ATRNL1: variants seen among roughly 807,000 people sequenced by gnomAD.
ATRNL1 encodes the protein attractin like 1.
ATRNL1 carries 95 observed loss-of-function variants against 182.7 expected under a neutral mutation model. The observed-to-expected ratio is 0.52, with a 90% CI of 0.44 to 0.62. The LOEUF is 0.62. Among genes scored for constraint, ATRNL1 ranks in the 20% least tolerant of loss-of-function variants. The pLI, the probability that ATRNL1 is intolerant of heterozygous loss-of-function variation, is 0.00. For missense variants in ATRNL1, 1,471 were observed against 1,679.5 expected (o/e 0.88, Z 2.17); for synonymous variants, 576 against 568.3 (o/e 1.01, Z -0.19).
intron 16 of ATRNL1, among the ~76,000 whole-genome samples, chr10:115,301,257 T>A (rs1296963243): frequency 6.6e-6 from 1 of 152,180 alleles, no homozygotes; most frequent in Non-Finnish European, 1.5e-5. Context: ...GGTATATATA[T>A]ATAGCCAGAA....
At chr10:115,491,593 C>G (rs907160530) in intron 24 of ATRNL1, among the ~76,000 whole-genome samples, 29 of 152,064 alleles carry the variant, frequency 1.9e-4, no homozygotes, top group Non-Finnish European at 2.9e-5. Flanking sequence ...GGACGCCACT[C>G]CCCCCACCAA....
At chr10:115,394,939 G>A (rs1278972689) in intron 20 of ATRNL1, among the ~76,000 whole-genome samples, 187 bp downstream of exon 20, 6 of 151,930 alleles carry the variant, frequency 3.9e-5, no homozygotes, top group Non-Finnish European at 8.8e-5. Flanking sequence ...ATGATGCTGA[G>A]GTTTGGGATA....
intron 26 of ATRNL1, among the ~76,000 whole-genome samples, chr10:115,606,015 A>G (rs556935851): frequency 1.3e-5 from 2 of 152,154 alleles, no homozygotes; most frequent in East Asian, 1.9e-4. Flanking sequence ...AGGGAGAAAA[A>G]GAAGAAAATT....
chr10:115,888,018 G>T (rs1250945014), intron 28 of ATRNL1, among the ~76,000 whole-genome samples: 2 of 152,028 alleles, frequency 1.3e-5, no homozygotes, highest in African/African-American at 4.8e-5. Context: ...TGCTTAAAAC[G>T]TCCAAAGGAC....
chr10:115,293,331 A>C (rs1351034286), intron 15 of ATRNL1, among the ~76,000 whole-genome samples: 3 of 152,110 alleles, frequency 2.0e-5, no homozygotes, highest in African/African-American at 4.8e-5. Flanking sequence ...CTCTTAAGTA[A>C]GGGAATTCAT....
At position 115,350,558 on chromosome 10, in the gene ATRNL1, C is replaced by T. The variant is rs79446253; in HGVS notation, c.3175+16139C>T. ...TTCTTGCCCCAGTGTATGTTCTTGG[C>T]ACCTTCTTTGAAAATGAGTTGTTTA... is the stretch of plus-strand genomic sequence containing the variant. On this transcript the variant is annotated intron_variant, in intron 19 of 28. Transcript: ENST00000355044. Among the ~76,000 whole-genome samples the T allele has an allele frequency of 2.8e-4, 43 of 152,062 alleles. 2 individuals are homozygous for T. In the East Asian group the frequency reaches 7.9e-3, roughly 28 times the overall value.
At chr10:115,374,287 G>GA (rs1237245598) in intron 19 of ATRNL1, among the ~76,000 whole-genome samples, 1 of 151,364 alleles carries the variant, frequency 6.6e-6, no homozygotes, top group Non-Finnish European at 1.5e-5. Flanking sequence ...CTTTTCAAAG[G>GA]AAAAAACTCT....
intron 28 of ATRNL1, among the ~76,000 whole-genome samples, chr10:115,867,730 A>ATTTTTTTTTTTTTTT (rs59623583): frequency 2.9e-5 from 4 of 138,078 alleles, no homozygotes; most frequent in Non-Finnish European, 3.1e-5. Flanking sequence ...CACCCTGTGA[A>ATTTTTTTTTTTTTTT]TTTTTTTTTT....
At position 115,875,164 on chromosome 10, in the gene ATRNL1, A is replaced by G. The variant is rs192526148; in HGVS notation, c.4018+27173A>G. On this transcript the variant is annotated intron_variant, in intron 28 of 28. Coordinates refer to ENST00000355044, the MANE Select transcript of ATRNL1 (RefSeq NM_207303.4). Reference sequence around the variant, plus strand: ...ATTATTTTGTGCATCTCAGCATTCTACATCTCTACCAGTGAACTCATTAAA... The same window carrying G: ...ATTATTTTGTGCATCTCAGCATTCTGCATCTCTACCAGTGAACTCATTAAA... Among the ~76,000 whole-genome samples, 6 of 152,342 alleles carry G rather than the reference A, an allele frequency of 3.9e-5. No individual in the cohort carries two copies. In the East Asian group the frequency reaches 9.7e-4, roughly 25 times the overall value.
chr10:115,403,615 C>T (rs533143087), intron 20 of ATRNL1, among the ~76,000 whole-genome samples: 100 of 152,112 alleles, frequency 6.6e-4, no homozygotes, highest in African/African-American at 2.3e-3. Flanking sequence ...CCACCGCACC[C>T]GGCTAATTTT....
In ATRNL1 at chr10:115,535,976, C is replaced by T. The variant is rs535986557; in HGVS notation, c.3717-13482C>T. Among the ~76,000 whole-genome samples the T allele has an allele frequency of 4.0e-5, 6 of 150,736 alleles. No individual in the cohort carries two copies. The East Asian group carries it at 1.2e-3, about 30-fold the overall frequency. ...CTGATCGTTCCTCTGGAAGTTTTGT[C>T]TCAGAGGATTACCTGGCTGTGTGAC... On this transcript the variant is annotated intron_variant, in intron 25 of 28. Transcript: ENST00000355044.
At chr10:115,547,415 T>C (rs1266853072) in intron 25 of ATRNL1, among the ~76,000 whole-genome samples, 4 of 152,040 alleles carry the variant, frequency 2.6e-5, no homozygotes, top group African/African-American at 9.7e-5. Flanking sequence ...ATTTCCTTCC[T>C]GGGAGGGACT....
At chr10:115,610,879 G>A (rs1173133454) in intron 26 of ATRNL1, among the ~76,000 whole-genome samples, 7 of 151,888 alleles carry the variant, frequency 4.6e-5, no homozygotes, top group African/African-American at 9.7e-5. Flanking sequence ...TCAAAATGTC[G>A]GAATGAAGAC....
chr10:115,529,817 C>A (rs544662259), intron 25 of ATRNL1, among the ~76,000 whole-genome samples: 19 of 152,112 alleles, frequency 1.2e-4, no homozygotes, highest in African/African-American at 4.6e-4. Flanking sequence ...ATTCTTCAAC[C>A]ATTATTGCAA....
At chr10:115,571,717 A>G (rs74158374) in intron 26 of ATRNL1, among the ~76,000 whole-genome samples, 1 of 152,134 alleles carries the variant, frequency 6.6e-6, no homozygotes, top group Non-Finnish European at 1.5e-5. Context: ...TAAAATTATA[A>G]ATTAATTTGC....
chr10:115,279,372 G>A, intron 13 of ATRNL1, among the ~76,000 whole-genome samples: 1 of 151,902 alleles, frequency 6.6e-6, no homozygotes, highest in African/African-American at 2.4e-5. Flanking sequence ...TCAACAACAA[G>A]CCAGAAGAGG....
chr10:115,824,124 C>T (rs1950369330), intron 27 of ATRNL1, among the ~76,000 whole-genome samples: 1 of 152,158 alleles, frequency 6.6e-6, no homozygotes, highest in Non-Finnish European at 1.5e-5. Flanking sequence ...AATAATGCCA[C>T]ACCTCTACAA....
chr10:115,269,047 A>G (rs1284190497), intron 13 of ATRNL1, among the ~76,000 whole-genome samples: 4 of 152,208 alleles, frequency 2.6e-5, no homozygotes, highest in Non-Finnish European at 5.9e-5. Context: ...CTACAGTTTG[A>G]TAAGATTTTT....
rs60475286 is a variant in ATRNL1 at position 115,929,382 on chromosome 10, C to G, written c.4019-15276C>G. Among the ~76,000 whole-genome samples the G allele has an allele frequency of 8.5e-3, 1,286 of 152,144 alleles. 21 individuals are homozygous for G. The highest frequency in any genetic ancestry group is 0.029 in the African/African-American group (1,212 of 41,532). The stretch of plus-strand genomic sequence containing the variant: ...ATCATTTCAGCTGAAAAAGAGAAAA[C>G]TAAAGCATAAATCCTTTGACTCATC... On this transcript the variant is annotated intron_variant, in intron 28 of 28. Transcript: ENST00000355044.
Sources: gnomAD v4.1 joint callset for allele counts (sites outside exome capture counted in the v4.1 genomes callset) on GRCh38, gnomAD v4.1.1 for gene constraint, MANE v1.5 for transcripts, NCBI Gene and HGNC (gene_info 2026-07-23, HGNC 2026-07-21) for gene names.